The following SPART variants were observed in gnomAD, a reference collection of about 807,000 sequenced individuals.
SPART encodes the protein spastic paraplegia 20 (Troyer syndrome).
In SPART, 35 loss-of-function variants were observed where a neutral mutation model predicts 58.7. The observed-to-expected ratio is 0.60, with a 90% CI of 0.46 to 0.79. The LOEUF is 0.79. SPART is among the 30% of genes least tolerant of loss of function. The pLI is 0.00. For missense variants in SPART, 730 were observed against 786.1 expected, an observed-to-expected ratio of 0.93 and a Z score of 0.85; for synonymous variants, 284 against 280.7, an observed-to-expected ratio of 1.01 and a Z score of -0.12.
chr13:36,324,044 T>C (rs777774235), intron 5 of SPART, among the ~76,000 whole-genome samples: 6 of 152,202 alleles, frequency 3.9e-5, no homozygotes, highest in Admixed American at 6.5e-5. Context: ...CTATAGTACC[T>C]AGGAGGCCTG....
chr13:36,365,597 T>C (rs1444128336), intron 1 of SPART: 1 of 470,108 alleles, frequency 2.1e-6, no homozygotes, highest in Non-Finnish European at 4.4e-6. Context: ...ATGAAGGATA[T>C]TGGTCATGTA....
intron 1 of SPART, among the ~76,000 whole-genome samples, chr13:36,339,627 CAAAAAA>C (rs71084420): frequency 3.1e-4 from 12 of 38,810 alleles, no homozygotes; most frequent in South Asian, 1.8e-3. Context: ...ACGACTCCAT[CAAAAAA>C]AAAAAAAAAA....
intron 2 of SPART, among the ~76,000 whole-genome samples, chr13:36,333,615 A>G (rs1047628483): frequency 6.6e-6 from 1 of 152,174 alleles, no homozygotes; most frequent in Non-Finnish European, 1.5e-5. Flanking sequence ...ATTAAAAACA[A>G]AATTAAATGC....
chr13:36,320,143 T>C (rs1367254344), intron 5 of SPART, among the ~76,000 whole-genome samples: 1 of 152,128 alleles, frequency 6.6e-6, no homozygotes, highest in African/African-American at 2.4e-5. Context: ...TCACAAACTA[T>C]GCTCAACTCA....
At chr13:36,365,501 T>A (rs918316881) in intron 1 of SPART, 14 of 374,222 alleles carry the variant, frequency 3.7e-5, no homozygotes, top group Non-Finnish European at 7.0e-5. Context: ...ATATCTTAGA[T>A]TACTAGGAAA....
intron 5 of SPART, among the ~76,000 whole-genome samples, chr13:36,316,835 T>G (rs1333593195): frequency 6.6e-6 from 1 of 152,166 alleles, no homozygotes; most frequent in Non-Finnish European, 1.5e-5. Flanking sequence ...TCATGTTCTT[T>G]GCTCCGTGAG....
chr13:36,349,039 G>A (rs571910924), upstream of SPART, among the ~76,000 whole-genome samples: 12 of 152,238 alleles, frequency 7.9e-5, no homozygotes, highest in Non-Finnish European at 1.3e-4. Context: ...CGAGGCAGGC[G>A]GATCACCTGA....
At position 36,355,813 on chromosome 13, in the gene SPART, T is replaced by C. The variant is rs960094116; in HGVS notation, c.-3+14276A>G. On this transcript the variant is annotated intron_variant, in intron 1 of 8. Coordinates refer to the SPART transcript ENST00000355182. Reference sequence around the variant, plus strand: ...TTATATTAGGTTGGTGCAAAGGTAATTGCAGTTTTTCTCATTAAAGTAATG... The same window carrying C: ...TTATATTAGGTTGGTGCAAAGGTAACTGCAGTTTTTCTCATTAAAGTAATG... 6.0e-5 allele frequency among the ~76,000 whole-genome samples: 9 copies of C among 149,844 alleles called. No individual in the cohort carries two copies. In the East Asian group the frequency reaches 1.6e-3, roughly 26 times the overall value.
intron 5 of SPART, among the ~76,000 whole-genome samples, chr13:36,315,540 TAATA>T (rs1881605625): frequency 6.6e-6 from 1 of 152,196 alleles, no homozygotes; most frequent in South Asian, 2.1e-4. Flanking sequence ...AAGTGACATG[TAATA>T]AATAATTAGA....
At chr13:36,319,333 C>T (rs1286914699) in intron 5 of SPART, among the ~76,000 whole-genome samples, 2 of 149,632 alleles carry the variant, frequency 1.3e-5, no homozygotes, top group Non-Finnish European at 3.0e-5. Flanking sequence ...CCACCTTAAC[C>T]CACAAGTATA....
At chr13:36,363,393 C>G (rs902634074) in intron 1 of SPART, among the ~76,000 whole-genome samples, 4 of 152,024 alleles carry the variant, frequency 2.6e-5, no homozygotes, top group East Asian at 1.9e-4. Context: ...TTGTCTGTCT[C>G]TCTTTCTTTC....
At chr13:36,305,915 C>T (rs1230373882) in intron 8 of SPART, among the ~76,000 whole-genome samples, 1 of 152,164 alleles carries the variant, frequency 6.6e-6, no homozygotes, top group East Asian at 1.9e-4. Context: ...TTATATAACA[C>T]TAGATCTGCC....
chr13:36,362,224 G>A (rs563524741), intron 1 of SPART, among the ~76,000 whole-genome samples: 130 of 152,198 alleles, frequency 8.5e-4, no homozygotes, highest in African/African-American at 3.0e-3. Flanking sequence ...GGTGGCGCAC[G>A]CCTGTAATCC....
chr13:36,312,589 T>C (rs1754988048), intron 6 of SPART, 112 bp from the exon 7 acceptor site: 2 of 1,169,588 alleles, frequency 1.7e-6, no homozygotes, highest in African/African-American at 1.5e-5. Context: ...TACTATATAA[T>C]GTTACAATTT....
chr13:36,359,321 A>G (rs1457863014), intron 1 of SPART, among the ~76,000 whole-genome samples: 1 of 152,174 alleles, frequency 6.6e-6, no homozygotes, highest in Non-Finnish European at 1.5e-5. Context: ...GGAGTCTTTG[A>G]CTTTAAAACC....
At chr13:36,332,963 A>G (rs1291906726) in intron 2 of SPART, among the ~76,000 whole-genome samples, 4 of 152,158 alleles carry the variant, frequency 2.6e-5, no homozygotes, top group Non-Finnish European at 5.9e-5. Context: ...TAGAGTTGAC[A>G]AAAAAATTGT....
intron 5 of SPART, among the ~76,000 whole-genome samples, chr13:36,322,826 T>C (rs1882555507): frequency 6.6e-6 from 1 of 152,218 alleles, no homozygotes; most frequent in Non-Finnish European, 1.5e-5. Context: ...GATTGCTCTT[T>C]GATGTTTTGT....
At chr13:36,345,525 C>G (rs977921172) in intron 1 of SPART, 2 of 152,164 alleles carry the variant, frequency 1.3e-5, no homozygotes, top group Admixed American at 1.3e-4. Context: ...TAAGGCCAAC[C>G]TCGAGGATCC....
At chr13:36,363,353 C>A (rs539955555) in intron 1 of SPART, among the ~76,000 whole-genome samples, 3 of 147,526 alleles carry the variant, frequency 2.0e-5, no homozygotes, top group Non-Finnish European at 4.5e-5. Flanking sequence ...AAATAAGCAT[C>A]TCTCTCTCTC....
Sources: allele counts gnomAD v4.1 joint callset (sites outside exome capture counted in the v4.1 genomes callset), GRCh38; gene constraint gnomAD v4.1.1; transcripts MANE v1.5; gene names NCBI Gene and HGNC (gene_info 2026-07-23, HGNC 2026-07-21).